Variants in SPOCK1 observed in about 807,000 individuals in gnomAD.
SPOCK1 encodes the protein testican-1.
In SPOCK1, 23 loss-of-function variants were observed where a neutral mutation model predicts 55.3. The ratio of observed to expected loss-of-function variants is 0.42; its 90% CI spans 0.30 to 0.59. The LOEUF is 0.59. SPOCK1 is among the 20% of genes least tolerant of loss of function. The pLI is 0.22. For missense variants in SPOCK1, 499 were observed against 552.5 expected, an observed-to-expected ratio of 0.90 and a Z score of 0.97; for synonymous variants, 226 against 221.0, an observed-to-expected ratio of 1.02 and a Z score of -0.20.
In SPOCK1 at chr5:136,977,877, T is replaced by A. The variant is rs1477915218; in HGVS notation, c.*777A>T. On this transcript the variant is annotated 3_prime_UTR_variant, in exon 11 of 11. Transcript: ENST00000394945. ...AAATTTCTTATTCCAGAAATTTTGT[T>A]CCAGGTCTGGACAAGCTGAGAAATT... 3 of 398,796 alleles carry A rather than the reference T, an allele frequency of 7.5e-6. No homozygotes were observed. Among genetic ancestry groups the A allele is most frequent in the Non-Finnish European group, 1.3e-5 (3 of 226,054 alleles). 24.7% of individuals were successfully genotyped at this position (398,796 alleles called of 1,614,324 possible).
At chr5:137,206,611 T>C (rs1755525145) in intron 3 of SPOCK1, among the ~76,000 whole-genome samples, 1 of 152,218 alleles carries the variant, frequency 6.6e-6, no homozygotes, top group South Asian at 2.1e-4. Context: ...CAACTGCTCC[T>C]TAGGGCTCCT....
chr5:137,113,867 A>T (rs573114551), intron 4 of SPOCK1, among the ~76,000 whole-genome samples: 2 of 152,278 alleles, frequency 1.3e-5, no homozygotes, highest in South Asian at 4.2e-4. Context: ...ATTTTCTACC[A>T]GGTGTGGAAT....
intron 2 of SPOCK1, among the ~76,000 whole-genome samples, chr5:137,277,237 A>G (rs939913423): frequency 2.0e-5 from 3 of 151,880 alleles, no homozygotes; most frequent in Admixed American, 2.0e-4. Flanking sequence ...CTGGTCTCAA[A>G]CTCCTAGCCT....
At chr5:137,143,486 T>TG (rs1164028713) in intron 3 of SPOCK1, among the ~76,000 whole-genome samples, 1 of 152,172 alleles carries the variant, frequency 6.6e-6, no homozygotes, top group Non-Finnish European at 1.5e-5. Context: ...CTTCTGGGAC[T>TG]GAACCCTGCC....
At chr5:137,088,270 A>G (rs1752994070) in intron 5 of SPOCK1, among the ~76,000 whole-genome samples, 1 of 152,218 alleles carries the variant, frequency 6.6e-6, no homozygotes, top group Non-Finnish European at 1.5e-5. Flanking sequence ...GAGCAGTGTC[A>G]TGGACTTGAA....
intron 2 of SPOCK1, among the ~76,000 whole-genome samples, chr5:137,486,093 C>G (rs1339737181): frequency 6.6e-6 from 1 of 152,182 alleles, no homozygotes; most frequent in Non-Finnish European, 1.5e-5. Context: ...GACCAACAGC[C>G]CTGACAAGGC....
At chr5:137,415,935 C>T (rs1478335920) in intron 2 of SPOCK1, among the ~76,000 whole-genome samples, 1 of 151,884 alleles carries the variant, frequency 6.6e-6, no homozygotes, top group African/African-American at 2.4e-5. Context: ...AACTGTAAAC[C>T]CACAGATCCA....
intron 3 of SPOCK1, among the ~76,000 whole-genome samples, chr5:137,214,576 C>T (rs912714227): frequency 5.9e-5 from 9 of 152,298 alleles, no homozygotes; most frequent in Admixed American, 5.9e-4. Context: ...ATTGAATAAG[C>T]ATGTATCAGT....
rs536647338 is a variant in SPOCK1, at chr5:137,328,518, G to A, written c.187-61463C>T. Reference sequence around the variant, plus strand: ...AGTTCACACAGACAAAGCATTTAACGCCGTGCCAGGCCGACAGTGTTCACT... The same window carrying A: ...AGTTCACACAGACAAAGCATTTAACACCGTGCCAGGCCGACAGTGTTCACT... On this transcript the variant is annotated intron_variant, in intron 2 of 10. Coordinates refer to ENST00000394945, the MANE Select transcript of SPOCK1 (RefSeq NM_004598.4). 2.4e-4 allele frequency among the ~76,000 whole-genome samples: 36 copies of A among 152,262 alleles called. 1 individual carries two copies. The highest frequency in any genetic ancestry group is 3.9e-4 in the Admixed American group (6 of 15,300).
At chr5:137,368,287 G>A (rs992357128) in intron 2 of SPOCK1, among the ~76,000 whole-genome samples, 11 of 152,170 alleles carry the variant, frequency 7.2e-5, no homozygotes, top group African/African-American at 2.7e-4. Flanking sequence ...TAACCCAAGT[G>A]GACAAAAGAC....
intron 4 of SPOCK1, among the ~76,000 whole-genome samples, chr5:137,118,319 G>C (rs779053137): frequency 6.6e-6 from 1 of 152,336 alleles, no homozygotes; most frequent in South Asian, 2.1e-4. Flanking sequence ...GATGGCAACA[G>C]CTACAAGCAA....
At chr5:137,313,485 C>A in intron 2 of SPOCK1, 3 of 985,264 alleles carry the variant, frequency 3.0e-6, no homozygotes, top group South Asian at 9.4e-5. Context: ...ACCTGTGACA[C>A]CCACCCAAAA....
chr5:137,043,258 G>A (rs1417305621), intron 6 of SPOCK1, among the ~76,000 whole-genome samples: 1 of 152,024 alleles, frequency 6.6e-6, no homozygotes, highest in African/African-American at 2.4e-5. Context: ...ATAACCTCAA[G>A]CACAAAATAT....
At chr5:137,485,345 C>T (rs571097725) in intron 2 of SPOCK1, among the ~76,000 whole-genome samples, 6 of 152,272 alleles carry the variant, frequency 3.9e-5, no homozygotes, top group East Asian at 1.9e-4. Context: ...ATGTCTGACA[C>T]GTAATTGATA....
chr5:137,362,320 C>T (rs1022601925), intron 2 of SPOCK1, among the ~76,000 whole-genome samples: 13 of 150,536 alleles, frequency 8.6e-5, no homozygotes, highest in South Asian at 8.4e-4. Context: ...TTAACACAGA[C>T]GTCAGCAACC....
chr5:137,345,707 G>A (rs1205950000), intron 2 of SPOCK1, among the ~76,000 whole-genome samples: 1 of 152,214 alleles, frequency 6.6e-6, no homozygotes, highest in Non-Finnish European at 1.5e-5. Flanking sequence ...TAGGGGCTGA[G>A]CCCAGGAATG....
Position 136,999,112 on chromosome 5 carries a change from A to G in SPOCK1, c.590-6512T>C, listed in dbSNP as rs1751101370. On this transcript the variant is annotated intron_variant, in intron 6 of 10. Coordinates refer to ENST00000394945, the MANE Select transcript of SPOCK1 (RefSeq NM_004598.4). The stretch of plus-strand genomic sequence containing the variant: ...AGCTAGACTGGATTTGAATGCAGAC[A>G]GTGTTCAAACATAGCTTGGAGTGCA... Among the ~76,000 whole-genome samples, 3 of 152,216 alleles carry G rather than the reference A, an allele frequency of 2.0e-5. 1 individual carries two copies. The South Asian group carries it at 6.2e-4, about 32-fold the overall frequency.
At chr5:137,131,745 G>T (rs1433946228) in intron 4 of SPOCK1, among the ~76,000 whole-genome samples, 10 of 151,408 alleles carry the variant, frequency 6.6e-5, no homozygotes, top group Non-Finnish European at 1.3e-4. Flanking sequence ...GGCCAAGATG[G>T]GCGGATCACG....
At chr5:137,065,137 G>A (rs10043515) in intron 6 of SPOCK1, among the ~76,000 whole-genome samples, 131,102 of 151,518 alleles carry the variant, frequency 0.87, 57,247 homozygotes, top group South Asian at 0.94. Context: ...ATGAGGCAGG[G>A]GAATTGCTTG....
Sources: allele counts gnomAD v4.1 joint callset (sites outside exome capture counted in the v4.1 genomes callset), GRCh38; gene constraint gnomAD v4.1.1; transcripts MANE v1.5; gene names NCBI Gene and HGNC (gene_info 2026-07-23, HGNC 2026-07-21).